CCDC30: variants seen among roughly 807,000 people sequenced by gnomAD.
CCDC30 encodes coiled-coil domain-containing protein 30.
Under a neutral mutation model 100.2 loss-of-function variants are expected in CCDC30, and 70 were observed. The ratio of observed to expected loss-of-function variants is 0.70; its 90% CI spans 0.58 to 0.85. The LOEUF is 0.85. Among genes scored for constraint, CCDC30 ranks in the 40% least tolerant of loss-of-function variants. The probability of loss-of-function intolerance (pLI) is 0.00; values close to 1 mark genes in which losing one functional copy is unlikely to be tolerated. For synonymous variants in CCDC30, 233 were observed against 269.5 expected (o/e 0.86, Z 1.33); for missense variants, 652 against 771.2 (o/e 0.85, Z 1.83).
chr1:42,617,685 G>A (rs1283431044), intron 11 of CCDC30, among the ~76,000 whole-genome samples: 1 of 152,160 alleles, frequency 6.6e-6, no homozygotes, highest in Non-Finnish European at 1.5e-5. Context: ...CTTGCACTGA[G>A]TCAGTTCCTG....
At chr1:42,557,430 T>C (rs1048072096) in intron 6 of CCDC30, among the ~76,000 whole-genome samples, 13 of 152,170 alleles carry the variant, frequency 8.5e-5, no homozygotes, top group African/African-American at 2.6e-4. Context: ...TCAGTGGACA[T>C]TGGCCAGTGT....
chr1:42,589,060 C>G (rs1244910328), intron 9 of CCDC30, among the ~76,000 whole-genome samples: 3 of 152,178 alleles, frequency 2.0e-5, no homozygotes, highest in African/African-American at 7.2e-5. Context: ...CTTAACTGTT[C>G]TCTCTACCAC....
intron 6 of CCDC30, 44 bp downstream of exon 9, chr1:42,545,623 G>A: frequency 6.6e-7 from 1 of 1,523,686 alleles, no homozygotes; most frequent in Non-Finnish European, 8.9e-7. Context: ...TTCAGAGAGG[G>A]TATATTTTAT....
chr1:42,546,706 TTATC>T (rs1005224967), intron 6 of CCDC30, among the ~76,000 whole-genome samples: 27 of 152,048 alleles, frequency 1.8e-4, no homozygotes, highest in Admixed American at 3.9e-4. Flanking sequence ...TTTCTCTTAT[TTATC>T]TATCTATCTG....
chr1:42,637,290 A>G (rs1400949860), exon 12 of CCDC30: 12 of 1,582,368 alleles, frequency 7.6e-6, no homozygotes, highest in Non-Finnish European at 1.0e-5. Flanking sequence ...AAAGTCAAGT[A>G]TCGTTTAACT....
chr1:42,560,522 A>G (rs1247449162), intron 6 of CCDC30, among the ~76,000 whole-genome samples: 2 of 151,934 alleles, frequency 1.3e-5, no homozygotes, highest in African/African-American at 4.8e-5. Flanking sequence ...GGCACGCACC[A>G]CCATGCCTGG....
intron 10 of CCDC30, among the ~76,000 whole-genome samples, chr1:42,604,722 C>G (rs1455845028): frequency 6.6e-6 from 1 of 152,158 alleles, no homozygotes; most frequent in Non-Finnish European, 1.5e-5. Context: ...TGATAAGAGG[C>G]TACAGGTCCT....
At chr1:42,561,626 GAAAT>G (rs1431388619) in intron 6 of CCDC30, among the ~76,000 whole-genome samples, 1 of 151,848 alleles carries the variant, frequency 6.6e-6, no homozygotes, top group Non-Finnish European at 1.5e-5. Flanking sequence ...GCAAAAGAAA[GAAAT>G]AAAGGGTATT....
chr1:42,456,998 C>T, the CCDC30 span: 5 of 1,602,168 alleles, frequency 3.1e-6, no homozygotes, highest in East Asian at 2.2e-5. Flanking sequence ...AGGCACCTTC[C>T]TGGCAGTAGA....
chr1:42,567,537 C>G (rs528692242), intron 7 of CCDC30, among the ~76,000 whole-genome samples: 1 of 152,294 alleles, frequency 6.6e-6, no homozygotes, highest in Non-Finnish European at 1.5e-5. Context: ...CAAGGAAGGC[C>G]TTCTAAGGGA....
intron 6 of CCDC30, among the ~76,000 whole-genome samples, chr1:42,529,952 G>T (rs142679152): frequency 0.018 from 2,688 of 152,310 alleles, 48 homozygotes; most frequent in Non-Finnish European, 0.028. Flanking sequence ...GTTTTAAGTT[G>T]TGAACCATTC....
At position 42,574,990 on chromosome 1, in the gene CCDC30, G is replaced by A. The variant is rs193287327; in HGVS notation, c.637-2030G>A. ...GCCTCACAACTATCCTATGAGGTAA[G>A]TAGTTATTATCCCCATATTACAGAT... On this transcript the variant is annotated intron_variant, in intron 7 of 16. Coordinates refer to ENST00000668663, the Ensembl canonical transcript of CCDC30. Among the ~76,000 whole-genome samples the A allele has an allele frequency of 3.0e-4, 45 of 152,306 alleles. 2 individuals are homozygous for A. The highest frequency in any genetic ancestry group is 8.8e-5 in the Non-Finnish European group (6 of 68,022).
At chr1:42,457,855 T>G in the CCDC30 span, among the ~76,000 whole-genome samples, 2 of 150,734 alleles carry the variant, frequency 1.3e-5, no homozygotes, top group African/African-American at 4.9e-5. Context: ...CTCGGGAGGC[T>G]GAGGCAGAAG....
intron 6 of CCDC30, 92 bp downstream of exon 10, chr1:42,556,497 A>ATGTT: frequency 7.2e-7 from 1 of 1,382,022 alleles, no homozygotes. Flanking sequence ...ATTCATATAT[A>ATGTT]TGTTTTTTTT....
chr1:42,518,135 T>G (rs1247215451), intron 6 of CCDC30, among the ~76,000 whole-genome samples: 1 of 152,188 alleles, frequency 6.6e-6, no homozygotes, highest in Non-Finnish European at 1.5e-5. Flanking sequence ...ATCTTCCTAA[T>G]TTTTTCACCA....
At chr1:42,652,511 A>T (rs968453384) in intron 15 of CCDC30, among the ~76,000 whole-genome samples, 7 of 152,330 alleles carry the variant, frequency 4.6e-5, no homozygotes, top group Non-Finnish European at 1.0e-4. Context: ...TAAAAATTTG[A>T]AAAAACTTTC....
the CCDC30 span, chr1:42,456,589 C>G: frequency 1.1e-5 from 16 of 1,500,028 alleles, no homozygotes; most frequent in African/African-American, 1.7e-4. Flanking sequence ...ATCCGGTAGC[C>G]GAGTTCCCCC....
intron 3 of CCDC30, among the ~76,000 whole-genome samples, chr1:42,487,300 T>A (rs532867536): frequency 6.6e-6 from 1 of 152,252 alleles, no homozygotes; most frequent in East Asian, 1.9e-4. Context: ...AAATATGTAA[T>A]TTTTAAGGTA....
exon 13 of CCDC30, chr1:42,642,599 A>T (rs559086051): frequency 6.3e-7 from 1 of 1,591,530 alleles, no homozygotes; most frequent in Admixed American, 1.7e-5. Context: ...GATATCTTCC[A>T]TCCAGAGCAG....
Sources: gnomAD v4.1 joint callset for allele counts (sites outside exome capture counted in the v4.1 genomes callset) on GRCh38, gnomAD v4.1.1 for gene constraint, MANE v1.5 for transcripts, NCBI Gene and HGNC (gene_info 2026-07-23, HGNC 2026-07-21) for gene names.